The following VAT1L variants were observed in gnomAD, a reference collection of about 807,000 sequenced individuals.
VAT1L encodes the protein putative NADPH-dependent quinone oxidoreductase VAT1L.
In VAT1L, 34 loss-of-function variants were observed where a neutral mutation model predicts 44.1. The ratio of observed to expected loss-of-function variants is 0.77; its 90% CI spans 0.59 to 1.03. VAT1L has a LOEUF of 1.03. Among genes scored for constraint, VAT1L ranks in the 50% least tolerant of loss-of-function variants. The pLI, the probability that VAT1L is intolerant of heterozygous loss-of-function variation, is 0.00. For synonymous variants in VAT1L, 253 were observed against 202.2 expected (o/e 1.25, Z -2.13); for missense variants, 615 against 538.8 (o/e 1.14, Z -1.40).
At chr16:77,969,768 C>A (rs989725128) in intron 7 of VAT1L, among the ~76,000 whole-genome samples, 1 of 152,000 alleles carries the variant, frequency 6.6e-6, no homozygotes, top group Non-Finnish European at 1.5e-5. Flanking sequence ...TAGAAGGTGT[C>A]TGCTACAATA....
intron 3 of VAT1L, among the ~76,000 whole-genome samples, chr16:77,832,067 A>G (rs551907202): frequency 4.6e-4 from 69 of 150,160 alleles, no homozygotes; most frequent in African/African-American, 7.6e-4. Flanking sequence ...ACCTCGGGCA[A>G]TCCACCAACC....
At chr16:77,956,322 A>G (rs423254) in intron 7 of VAT1L, among the ~76,000 whole-genome samples, 33,696 of 152,112 alleles carry the variant, frequency 0.22, 4,255 homozygotes, top group Admixed American at 0.29. Context: ...TCCTCCTTGA[A>G]CAACAGAGAC....
In VAT1L at chr16:77,978,439, T is replaced by C. The variant is rs2018364529; in HGVS notation, c.*744T>C. ...ATCTCATGGGCAGGATTCTTCCTGCTCCATATCTGTTTCAATTTTAAGAAA... is the reference window on the plus strand; with the variant it reads ...ATCTCATGGGCAGGATTCTTCCTGCCCCATATCTGTTTCAATTTTAAGAAA... On this transcript the variant is annotated 3_prime_UTR_variant, in exon 9 of 9. Coordinates refer to ENST00000302536, the MANE Select transcript of VAT1L (RefSeq NM_020927.3). 2 of 152,246 alleles carry C rather than the reference T, an allele frequency of 1.3e-5. No individual in the cohort carries two copies. Among genetic ancestry groups the C allele is most frequent in the Admixed American group, 1.3e-4 (2 of 15,282 alleles). 9.4% of individuals were successfully genotyped at this position (152,246 alleles called of 1,614,324 possible). A position where few individuals can be genotyped will look rare whatever the true frequency, so the allele number is the denominator to read the frequency against.
chr16:77,885,889 T>G (rs1299902571), intron 7 of VAT1L, among the ~76,000 whole-genome samples: 1 of 152,166 alleles, frequency 6.6e-6, no homozygotes, highest in Non-Finnish European at 1.5e-5. Context: ...CAAATACAAC[T>G]GGTCCTAGAT....
chr16:77,936,650 C>G (rs1458120849), intron 7 of VAT1L, among the ~76,000 whole-genome samples: 1 of 152,176 alleles, frequency 6.6e-6, no homozygotes, highest in Non-Finnish European at 1.5e-5. Flanking sequence ...TACCTGTGCA[C>G]TTCCTGCCTC....
chr16:77,841,227 C>A (rs919119134), intron 3 of VAT1L, among the ~76,000 whole-genome samples: 1 of 152,140 alleles, frequency 6.6e-6, no homozygotes, highest in African/African-American at 2.4e-5. Context: ...ACTACAGGCT[C>A]ATGCCACCAT....
intron 1 of VAT1L, among the ~76,000 whole-genome samples, chr16:77,815,860 T>C (rs12716845): frequency 0.17 from 3,934 of 22,580 alleles, 110 homozygotes; most frequent in East Asian, 0.27. Context: ...CCCAGCTACT[T>C]GGGAGGCTGA....
At chr16:77,824,031 A>T (rs1329642070) in intron 2 of VAT1L, among the ~76,000 whole-genome samples, 1 of 152,158 alleles carries the variant, frequency 6.6e-6, no homozygotes, top group Non-Finnish European at 1.5e-5. Flanking sequence ...CTCAGAAAAA[A>T]AAAGAAAAGA....
intron 7 of VAT1L, among the ~76,000 whole-genome samples, chr16:77,899,578 C>T (rs138075670): frequency 7.2e-4 from 109 of 152,336 alleles, no homozygotes; most frequent in African/African-American, 2.5e-3. Flanking sequence ...TTGCTTCTTC[C>T]TTTCTACTTC....
At chr16:77,861,300 G>A (rs944923098) in intron 3 of VAT1L, among the ~76,000 whole-genome samples, 8 of 152,202 alleles carry the variant, frequency 5.3e-5, no homozygotes, top group African/African-American at 1.9e-4. Flanking sequence ...GCTTTAGAAT[G>A]CACCTTAGTT....
At chr16:77,955,655 G>A (rs1673639181) in intron 7 of VAT1L, among the ~76,000 whole-genome samples, 2 of 151,510 alleles carry the variant, frequency 1.3e-5, no homozygotes, top group South Asian at 2.1e-4. Flanking sequence ...AACCTGGGAA[G>A]TGGAGGTTGC....
intron 7 of VAT1L, among the ~76,000 whole-genome samples, chr16:77,969,697 G>A (rs2142542857): frequency 6.6e-6 from 1 of 152,188 alleles, no homozygotes; most frequent in East Asian, 1.9e-4. Context: ...GTCACTAGGT[G>A]TAGCCCATGT....
intron 7 of VAT1L, among the ~76,000 whole-genome samples, chr16:77,905,973 T>G (rs552111665): frequency 5.9e-5 from 9 of 152,350 alleles, no homozygotes; most frequent in Non-Finnish European, 1.3e-4. Flanking sequence ...ACTCAAACCT[T>G]CTTTGATGTT....
At chr16:77,868,778 C>T (rs2017001363) in intron 4 of VAT1L, among the ~76,000 whole-genome samples, 1 of 152,070 alleles carries the variant, frequency 6.6e-6, no homozygotes, top group African/African-American at 2.4e-5. Context: ...AACCTCAGCA[C>T]TGTGGACATT....
At chr16:77,977,151 T>C (rs1429846160) in intron 8 of VAT1L, among the ~76,000 whole-genome samples, 4 of 152,048 alleles carry the variant, frequency 2.6e-5, no homozygotes, top group Non-Finnish European at 4.4e-5. Flanking sequence ...CTGCGTGGGG[T>C]GCAGGGAGAT....
chr16:77,837,489 G>A (rs145038369), intron 3 of VAT1L, among the ~76,000 whole-genome samples: 51 of 152,286 alleles, frequency 3.3e-4, no homozygotes, highest in Admixed American at 6.5e-4. Context: ...GGGATGGTGT[G>A]AACCCTTCAT....
chr16:77,808,277 G>T (rs2016199279), intron 1 of VAT1L, among the ~76,000 whole-genome samples: 1 of 152,086 alleles, frequency 6.6e-6, no homozygotes, highest in Non-Finnish European at 1.5e-5. Context: ...AAAATCTAAT[G>T]CCTGATGATC....
chr16:77,955,996 G>C (rs2018099893), intron 7 of VAT1L, among the ~76,000 whole-genome samples: 1 of 152,128 alleles, frequency 6.6e-6, no homozygotes, highest in Non-Finnish European at 1.5e-5. Flanking sequence ...AAAACAATGG[G>C]TAAGACCTGT....
At chr16:77,893,385 G>A (rs2017288839) in intron 7 of VAT1L, among the ~76,000 whole-genome samples, 1 of 152,246 alleles carries the variant, frequency 6.6e-6, no homozygotes, top group African/African-American at 2.4e-5. Flanking sequence ...TTTAAGCTGG[G>A]AGGTCAGGAA....
Sources: gnomAD v4.1 joint callset for allele counts (sites outside exome capture counted in the v4.1 genomes callset) on GRCh38, gnomAD v4.1.1 for gene constraint, MANE v1.5 for transcripts, NCBI Gene and HGNC (gene_info 2026-07-23, HGNC 2026-07-21) for gene names.